The following DDR2 variants were observed in gnomAD, a reference collection of about 807,000 sequenced individuals.
DDR2 encodes the protein discoidin domain receptor tyrosine kinase 2.
Under a neutral mutation model 94.9 loss-of-function variants are expected in DDR2, and 27 were observed. That is an observed-to-expected ratio of 0.28 (90% CI 0.21 to 0.39). DDR2 has a LOEUF of 0.39. Among genes scored for constraint, DDR2 ranks in the 10% least tolerant of loss-of-function variants. The pLI is 1.00. For missense variants in DDR2, 783 were observed against 1,076.0 expected (o/e 0.73, Z 3.81); for synonymous variants, 382 against 377.2 (o/e 1.01, Z -0.15).
rs1374215520 is a variant in DDR2, at chr1:162,782,378, G to A, written c.*2132G>A. The A allele has an allele frequency of 1.3e-5, 2 of 152,120 alleles. No homozygotes were observed. Among genetic ancestry groups the A allele is most frequent in the Non-Finnish European group, 2.9e-5 (2 of 68,042 alleles). 9.4% of individuals were successfully genotyped at this position (152,120 alleles called of 1,614,324 possible). A position where few individuals can be genotyped will look rare whatever the true frequency, so the allele number is the denominator to read the frequency against. On this transcript the variant is annotated 3_prime_UTR_variant, in exon 18 of 18. Transcript: ENST00000367921. ...AATTGTAGTCAGCAAAAGAGATCAT[G>A]GAAGAAATCACTGTAATGGTAGTAA...
At chr1:162,773,345 A>G in intron 13 of DDR2, 124 bp from the exon 14 acceptor site, 2 of 1,291,248 alleles carry the variant, frequency 1.5e-6, no homozygotes, top group South Asian at 2.4e-5. Flanking sequence ...ATATCTTCTT[A>G]TTGGTCTTTT....
chr1:162,637,359 T>C (rs1409278856), intron 1 of DDR2, among the ~76,000 whole-genome samples: 3 of 152,098 alleles, frequency 2.0e-5, no homozygotes, highest in African/African-American at 7.2e-5. Context: ...GAGCAGGTGT[T>C]ATGCCATAAA....
Position 162,702,325 on chromosome 1 carries a change from C to A in DDR2, c.-27-16712C>A, listed in dbSNP as rs142913834. On this transcript the variant is annotated intron_variant, in intron 2 of 17. Transcript: ENST00000367921. ...TCAGCTGGAGAAAAGGTATCTTTTA[C>A]CTTCTCCTCCATCTTATACTGACTA... Among the ~76,000 whole-genome samples, 1,071 of 152,106 alleles carry A rather than the reference C, an allele frequency of 7.0e-3. 12 individuals carry two copies. The highest frequency in any genetic ancestry group is 0.025 in the African/African-American group (1,022 of 41,498).
chr1:162,769,106 A>G (rs1178143039), intron 11 of DDR2, among the ~76,000 whole-genome samples: 3 of 152,202 alleles, frequency 2.0e-5, no homozygotes, highest in African/African-American at 7.2e-5. Context: ...ACAATTTACC[A>G]TACTTCTCTG....
intron 11 of DDR2, among the ~76,000 whole-genome samples, chr1:162,769,673 T>A (rs1664168543): frequency 6.6e-6 from 1 of 152,188 alleles, no homozygotes; most frequent in African/African-American, 2.4e-5. Flanking sequence ...GCAGGTTATA[T>A]TAGATAAGAT....
intron 2 of DDR2, among the ~76,000 whole-genome samples, chr1:162,680,495 GT>G (rs1659349699): frequency 6.6e-6 from 1 of 152,142 alleles, no homozygotes; most frequent in South Asian, 2.1e-4. Flanking sequence ...TGGTCTATAT[GT>G]CTGTTTCTGT....
chr1:162,754,477 C>A, intron 4 of DDR2, 147 bp from the exon 5 acceptor site: 1 of 745,622 alleles, frequency 1.3e-6, no homozygotes, highest in Non-Finnish European at 2.3e-6. Context: ...ACTGTGGTGG[C>A]AGTGAAAACT....
chr1:162,771,636 T>A (rs1219356265), intron 12 of DDR2, among the ~76,000 whole-genome samples: 1 of 152,190 alleles, frequency 6.6e-6, no homozygotes, highest in African/African-American at 2.4e-5. Flanking sequence ...AATCTGAAAG[T>A]TTTTTATACC....
intron 3 of DDR2, among the ~76,000 whole-genome samples, chr1:162,724,473 AC>A (rs139336062): frequency 6.6e-6 from 1 of 151,752 alleles, no homozygotes; most frequent in South Asian, 2.1e-4. Flanking sequence ...GGGCCAACTT[AC>A]CCCCACCCAG....
At chr1:162,709,754 T>C (rs940335063) in intron 2 of DDR2, among the ~76,000 whole-genome samples, 4 of 152,180 alleles carry the variant, frequency 2.6e-5, no homozygotes, top group African/African-American at 9.6e-5. Context: ...GATACTCACA[T>C]GCAGAAAAGT....
At chr1:162,730,526 G>A (rs555116565) in intron 3 of DDR2, among the ~76,000 whole-genome samples, 1 of 152,334 alleles carries the variant, frequency 6.6e-6, no homozygotes, top group South Asian at 2.1e-4. Context: ...TAGGAAGTAT[G>A]CAATGATGTG....
chr1:162,759,871 C>G lies in DDR2; in HGVS notation c.747C>G (p.His249Gln), dbSNP rs756170216. Reference protein sequence around the residue: ...LDDFTQTHEYHVWPGYDYVGW... With the variant: ...LDDFTQTHEYQVWPGYDYVGW... ...ATTTCACCCAGACCCATGAATACCA[C>G]GTGTGGCCCGGCTATGACTATGTGG... Residue 249 changes from histidine (H) to glutamine (Q), a missense_variant, in exon 8 of 18, where the codon CAC becomes CAG. Around this residue, in one of 2 missense-constraint regions of DDR2, gnomAD observed 519 missense variants for 647.9 expected, o/e 0.80. Coordinates refer to ENST00000367921, the MANE Select transcript of DDR2 (RefSeq NM_006182.4). The G allele has an allele frequency of 4.3e-6, 7 of 1,614,138 alleles. No homozygotes were observed. The highest frequency in any genetic ancestry group is 5.9e-6 in the Non-Finnish European group (7 of 1,180,010).
At chr1:162,697,836 A>G (rs1331422255) in intron 2 of DDR2, among the ~76,000 whole-genome samples, 1 of 152,206 alleles carries the variant, frequency 6.6e-6, no homozygotes, top group Non-Finnish European at 1.5e-5. Flanking sequence ...AAACTCACAC[A>G]GTTAGTAAAG....
intron 16 of DDR2, 40 bp from the exon 17 acceptor site, chr1:162,778,540 A>G (rs1647715625): frequency 6.2e-7 from 1 of 1,612,994 alleles, no homozygotes; most frequent in Admixed American, 1.7e-5. Context: ...TGTTGTGCAC[A>G]GGTTATTCTG....
chr1:162,749,008 G>A (rs1663035498), intron 3 of DDR2, among the ~76,000 whole-genome samples: 3 of 151,426 alleles, frequency 2.0e-5, no homozygotes, highest in African/African-American at 2.4e-5. Flanking sequence ...TCAAAGCAGT[G>A]CATAGAGGGA....
chr1:162,631,187 TGTGTG>T (rs1557992963), upstream of DDR2, among the ~76,000 whole-genome samples: 109 of 22,980 alleles, frequency 4.7e-3, no homozygotes, highest in South Asian at 0.011. Context: ...CCTCATTGTG[TGTGTG>T]TGTGTGTGTG....
chr1:162,740,690 G>A (rs1319017976), intron 3 of DDR2, among the ~76,000 whole-genome samples: 1 of 152,194 alleles, frequency 6.6e-6, no homozygotes, highest in Non-Finnish European at 1.5e-5. Flanking sequence ...ACATGAGAAT[G>A]TAAACTCAGT....
At position 162,783,555 on chromosome 1, in the gene DDR2, A is replaced by G. The variant is rs1296993135; in HGVS notation, c.*3309A>G. The G allele has an allele frequency of 1.3e-5, 2 of 152,190 alleles. No homozygotes were observed. Among genetic ancestry groups the G allele is most frequent in the African/African-American group, 4.8e-5 (2 of 41,440 alleles). The allele number at this position is 152,190 out of a possible 1,614,324, so 9.4% of individuals were successfully genotyped here. On this transcript the variant is annotated 3_prime_UTR_variant, in exon 18 of 18. Coordinates refer to ENST00000367921, the MANE Select transcript of DDR2 (RefSeq NM_006182.4). The stretch of plus-strand genomic sequence containing the variant: ...ACAGGAGTAGCTAGAGCCATTGGGA[A>G]TCCATTTTGAAACAAGAAGGAGTTT...
chr1:162,718,312 A>C (rs1000402152), intron 2 of DDR2, among the ~76,000 whole-genome samples: 3 of 152,198 alleles, frequency 2.0e-5, no homozygotes, highest in Non-Finnish European at 4.4e-5. Flanking sequence ...CTTTTATTGA[A>C]GAATGTTATT....
Sources: gnomAD v4.1 joint callset for allele counts (sites outside exome capture counted in the v4.1 genomes callset) on GRCh38, gnomAD v4.1.1 for gene constraint, gnomAD v4.1.1 regional missense constraint, MANE v1.5 for transcripts, NCBI Gene and HGNC (gene_info 2026-07-23, HGNC 2026-07-21) for gene names.